The following JMJD1C variants were observed in gnomAD, a reference collection of about 807,000 sequenced individuals.
JMJD1C encodes jumonji domain-containing protein 1C.
A neutral mutation model predicts 245.3 loss-of-function variants in JMJD1C; 31 were observed. The observed-to-expected ratio is 0.13, with a 90% confidence interval of 0.09 to 0.17. The LOEUF (loss-of-function observed/expected upper bound fraction) is 0.17. Ranked by LOEUF, JMJD1C falls within the 10% of genes least tolerant of loss-of-function variation. JMJD1C has a pLI of 1.00. For synonymous variants in JMJD1C, 1,057 were observed against 1,017.4 expected, an observed-to-expected ratio of 1.04 and a Z score of -0.74; for missense variants, 2,691 against 3,000.2, an observed-to-expected ratio of 0.90 and a Z score of 2.41.
At chr10:63,305,384 CAAAAA>C (rs1564760720) in intron 2 of JMJD1C, among the ~76,000 whole-genome samples, 1 of 68,538 alleles carries the variant, frequency 1.5e-5, no homozygotes, top group African/African-American at 4.2e-5. Flanking sequence ...AAACAAAAAA[CAAAAA>C]AGGTTGCAGT....
chr10:63,251,640 G>C (rs990479791), intron 3 of JMJD1C, among the ~76,000 whole-genome samples: 4 of 152,188 alleles, frequency 2.6e-5, no homozygotes, highest in African/African-American at 9.7e-5. Flanking sequence ...TAACCATTCA[G>C]AAAGGAAAGA....
At chr10:63,462,261 C>G (rs1952847281) in intron 1 of JMJD1C, among the ~76,000 whole-genome samples, 1 of 151,980 alleles carries the variant, frequency 6.6e-6, no homozygotes, top group Non-Finnish European at 1.5e-5. Flanking sequence ...TGAAATTATC[C>G]AACATAACCT....
intron 1 of JMJD1C, among the ~76,000 whole-genome samples, chr10:63,472,930 G>A (rs1041138714): frequency 2.7e-5 from 4 of 150,532 alleles, no homozygotes; most frequent in Non-Finnish European, 3.0e-5. Context: ...GACTACAGGC[G>A]AGCGCCACCA....
chr10:63,407,995 A>G (rs1446039848), intron 1 of JMJD1C, among the ~76,000 whole-genome samples: 3 of 152,154 alleles, frequency 2.0e-5, no homozygotes, highest in Non-Finnish European at 4.4e-5. Context: ...AAGTTTCAGA[A>G]AAGAGAAACG....
chr10:63,358,512 T>C lies in JMJD1C; in HGVS notation c.333+21806A>G, dbSNP rs183316803. On this transcript the variant is annotated intron_variant, in intron 2 of 25. Coordinates refer to ENST00000399262, the MANE Select transcript of JMJD1C (RefSeq NM_032776.3). ...CTGGGCAATATAGCAAGATCCTGTCTCTTTAATACGATATAATTAAGATAT... is the reference window on the plus strand; with the variant it reads ...CTGGGCAATATAGCAAGATCCTGTCCCTTTAATACGATATAATTAAGATAT... Among the ~76,000 whole-genome samples, 790 of 152,186 alleles carry C rather than the reference T, an allele frequency of 5.2e-3. 9 individuals carry two copies. Among genetic ancestry groups the C allele is most frequent in the African/African-American group, 0.018 (745 of 41,534 alleles).
chr10:63,243,666 A>C (rs1037681840), intron 3 of JMJD1C, among the ~76,000 whole-genome samples: 16 of 152,118 alleles, frequency 1.1e-4, no homozygotes, highest in Admixed American at 1.3e-4. Flanking sequence ...GATAAAAAAT[A>C]CAAGTACAGA....
At position 63,219,958 on chromosome 10, in the gene JMJD1C, A is replaced by G; in HGVS notation, c.473T>C (p.Val158Ala). Residue 158 changes from valine to alanine, a missense_variant, in exon 4 of 26, where the codon GTT (valine) becomes GCT (alanine). Val to Ala is a moderately conservative substitution (Grantham distance 64). Transcript: ENST00000399262. ...YQDDIDSLNP[V>A]LRDNPQLHEE... Reference sequence around the variant, plus strand: ...ATGAAGCTGCGGGTTGTCCCTGAGAACTGGGTTTAGGCTGTCTATGTCGTC... The same window carrying G: ...ATGAAGCTGCGGGTTGTCCCTGAGAGCTGGGTTTAGGCTGTCTATGTCGTC... 1.9e-6 allele frequency: 3 copies of G among 1,613,682 alleles called. No individual in the cohort carries two copies. The highest frequency in any genetic ancestry group is 2.5e-6 in the Non-Finnish European group (3 of 1,179,668).
chr10:63,389,520 G>C (rs1193954513), intron 1 of JMJD1C, among the ~76,000 whole-genome samples: 1 of 146,014 alleles, frequency 6.8e-6, no homozygotes, highest in African/African-American at 2.5e-5. Flanking sequence ...AGAAACATTA[G>C]ATTTAAACTG....
At chr10:63,419,656 C>G (rs1035835115) in intron 1 of JMJD1C, among the ~76,000 whole-genome samples, 1 of 151,932 alleles carries the variant, frequency 6.6e-6, no homozygotes, top group Admixed American at 6.6e-5. Flanking sequence ...TTCAGAAAGG[C>G]TATATCCTGG....
intron 3 of JMJD1C, among the ~76,000 whole-genome samples, chr10:63,224,077 A>C (rs1263944764): frequency 6.6e-6 from 1 of 152,182 alleles, no homozygotes; most frequent in Non-Finnish European, 1.5e-5. Context: ...GGTTAAAATA[A>C]TGGGCTCTAT....
At chr10:63,337,219 C>A (rs1360872423) in intron 2 of JMJD1C, among the ~76,000 whole-genome samples, 3 of 151,450 alleles carry the variant, frequency 2.0e-5, no homozygotes, top group Non-Finnish European at 2.9e-5. Flanking sequence ...CCGGCACGGG[C>A]ACCACTGAGA....
Position 63,337,464 on chromosome 10 carries a change from G to T in JMJD1C, c.333+42854C>A, listed in dbSNP as rs1372839531. 6.9e-5 allele frequency among the ~76,000 whole-genome samples: 5 copies of T among 72,992 alleles called. 1 individual carries two copies. The highest frequency in any genetic ancestry group is 1.3e-4 in the Non-Finnish European group (5 of 37,928). The allele number at this position is 72,992 out of a possible 152,430, so 47.9% of individuals were successfully genotyped here. ...CAGAAAGAAAGAGAAGGCGGGGGGG[G>T]GGGAGGGAGAGAGAGAGGGAAGGAG... is the stretch of plus-strand genomic sequence containing the variant. On this transcript the variant is annotated intron_variant, in intron 2 of 25. Coordinates refer to ENST00000399262, the MANE Select transcript of JMJD1C (RefSeq NM_032776.3).
intron 1 of JMJD1C, among the ~76,000 whole-genome samples, chr10:63,499,253 C>T (rs1015762247): frequency 6.6e-6 from 1 of 152,204 alleles, no homozygotes; most frequent in African/African-American, 2.4e-5. Context: ...ATTGCTGGAT[C>T]ATATGGTAGT....
intron 2 of JMJD1C, among the ~76,000 whole-genome samples, chr10:63,362,003 G>C (rs905119235): frequency 2.0e-5 from 3 of 152,010 alleles, no homozygotes; most frequent in Non-Finnish European, 4.4e-5. Flanking sequence ...GGAGGCCGAG[G>C]CGGGTGGATC....
intron 2 of JMJD1C, among the ~76,000 whole-genome samples, chr10:63,284,897 ACACACACACATT>A (rs1340658195): frequency 7.4e-6 from 1 of 134,426 alleles, no homozygotes; most frequent in African/African-American, 2.9e-5. Context: ...ACACACACAC[ACACACACACATT>A]CTCTCTACTC....
chr10:63,393,494 C>A lies in JMJD1C; in HGVS notation c.169-13012G>T, dbSNP rs533601141. ...AACAGTATGGGGACTTCTGAAAACA[C>A]TAAAAATATAACTACCATATGGTTC... On this transcript the variant is annotated intron_variant, in intron 1 of 25. Coordinates refer to ENST00000399262, the MANE Select transcript of JMJD1C (RefSeq NM_032776.3). 5.9e-5 allele frequency among the ~76,000 whole-genome samples: 9 copies of A among 152,182 alleles called. No individual in the cohort carries two copies. The South Asian group carries it at 1.9e-3, about 32-fold the overall frequency.
In JMJD1C at chr10:63,207,013, C is replaced by T. The variant is rs1289579743; in HGVS notation, c.4656G>A (p.Lys1552=). The T allele has an allele frequency of 6.2e-7, 1 of 1,613,868 alleles. No individual in the cohort carries two copies. The highest frequency in any genetic ancestry group is 8.5e-7 in the Non-Finnish European group (1 of 1,179,942). The change falls in exon 10 of 26, where the codon AAG becomes AAA. Residue 1552 remains lysine (K), a synonymous_variant. Coordinates refer to ENST00000399262, the MANE Select transcript of JMJD1C (RefSeq NM_032776.3). ...SQPNYHTKLK[K]AWLTRHSEED... is the part of the protein sequence containing the mutation. ...CTTCTGAGTGTCTGGTGAGCCAGGC[C>T]TTTTTCAGTTTAGTATGGTAGTTTG...
At chr10:63,503,915 G>C (rs1056298962) in intron 1 of JMJD1C, among the ~76,000 whole-genome samples, 8 of 152,094 alleles carry the variant, frequency 5.3e-5, no homozygotes, top group Non-Finnish European at 8.8e-5. Context: ...GATAGATTAA[G>C]CAGTATCTCC....
At chr10:63,504,385 A>G (rs1954653974) in intron 1 of JMJD1C, among the ~76,000 whole-genome samples, 1 of 152,184 alleles carries the variant, frequency 6.6e-6, no homozygotes, top group Non-Finnish European at 1.5e-5. Flanking sequence ...GAGATTGGGT[A>G]ATAAATGAAG....
Sources: gnomAD v4.1 joint callset for allele counts (sites outside exome capture counted in the v4.1 genomes callset) on GRCh38, gnomAD v4.1.1 for gene constraint, MANE v1.5 for transcripts, NCBI Gene and HGNC (gene_info 2026-07-23, HGNC 2026-07-21) for gene names.